Variants in IRAK1BP1 observed in about 807,000 individuals in gnomAD.
The protein encoded by IRAK1BP1 is interleukin-1 receptor-associated kinase 1-binding protein 1.
In IRAK1BP1, 24 loss-of-function variants were observed where a neutral mutation model predicts 28.0. The observed-to-expected ratio is 0.86, with a 90% CI of 0.62 to 1.20. The LOEUF (loss-of-function observed/expected upper bound fraction) is 1.20, where lower values mean the gene tolerates loss of function less well. Among genes scored for constraint, IRAK1BP1 ranks in the 50% most tolerant of loss-of-function variants. The pLI is 0.00. For missense variants in IRAK1BP1, 336 were observed against 316.7 expected, an observed-to-expected ratio of 1.06 and a Z score of -0.46; for synonymous variants, 131 against 116.3, an observed-to-expected ratio of 1.13 and a Z score of -0.81.
At chr6:78,977,499 C>T in the IRAK1BP1 span, among the ~76,000 whole-genome samples, 2 of 152,112 alleles carry the variant, frequency 1.3e-5, no homozygotes, top group Non-Finnish European at 2.9e-5. Context: ...ACAATGTACA[C>T]ATGTACCCTA....
At chr6:78,918,574 A>G (rs1206089921) in intron 4 of IRAK1BP1, among the ~76,000 whole-genome samples, 14 of 116,722 alleles carry the variant, frequency 1.2e-4, no homozygotes, top group East Asian at 3.4e-4. Context: ...TAAGCCAAAA[A>G]CAGTAAAAAA....
chr6:78,908,324 T>G (rs1772313897), intron 4 of IRAK1BP1, among the ~76,000 whole-genome samples: 1 of 152,142 alleles, frequency 6.6e-6, no homozygotes, highest in East Asian at 1.9e-4. Flanking sequence ...GTGCTGGGAT[T>G]AAGGCGTGAG....
At chr6:78,889,116 C>CA (rs201870779) in intron 2 of IRAK1BP1, among the ~76,000 whole-genome samples, 2,085 of 79,552 alleles carry the variant, frequency 0.026, 136 homozygotes, top group African/African-American at 0.099. Context: ...GACTCTGTCT[C>CA]AAAAAAAAAA....
downstream of IRAK1BP1, chr6:78,947,734 G>C: frequency 6.2e-7 from 1 of 1,606,448 alleles, no homozygotes; most frequent in Non-Finnish European, 8.5e-7. Context: ...TTTCTCTAAC[G>C]GTAGCAAAAT....
intron 2 of IRAK1BP1, among the ~76,000 whole-genome samples, chr6:78,889,322 C>A (rs1771545969): frequency 6.6e-6 from 1 of 151,760 alleles, no homozygotes; most frequent in Non-Finnish European, 1.5e-5. Flanking sequence ...CATAAAAACC[C>A]TAGAAGAAAA....
Position 78,902,945 on chromosome 6 carries a change from A to C in IRAK1BP1, c.*4611A>C. Reference sequence around the variant, plus strand: ...AGGATTGTTTTCTACTATTAAAACAATAAAACTCTTATAAACCTGTTTATC... The same window carrying C: ...AGGATTGTTTTCTACTATTAAAACACTAAAACTCTTATAAACCTGTTTATC... On this transcript the variant is annotated 3_prime_UTR_variant, in exon 4 of 4. Transcript: ENST00000369940. 1 of 982,270 alleles carries C rather than the reference A, an allele frequency of 1.0e-6. No individual in the cohort carries two copies. Among genetic ancestry groups the C allele is most frequent in the Non-Finnish European group, 1.5e-6 (1 of 654,518 alleles). The allele number at this position is 982,270 out of a possible 1,614,324, so 60.8% of individuals were successfully genotyped here.
chr6:78,934,873 T>C lies in IRAK1BP1; in HGVS notation c.*68-10535T>C, dbSNP rs1038855934. The stretch of plus-strand genomic sequence containing the variant: ...AGTTCATTACACTGTGCTGCCAGTA[T>C]GTCTAACCAATTAGGTAGAAAGGTA... On this transcript the variant is annotated intron_variant and NMD_transcript_variant, in intron 4 of 4. Transcript: ENST00000606868. Among the ~76,000 whole-genome samples, 12 of 152,210 alleles carry C rather than the reference T, an allele frequency of 7.9e-5. No individual in the cohort carries two copies. In the South Asian group the frequency reaches 2.3e-3, roughly 29 times the overall value.
At chr6:78,962,167 C>T in the IRAK1BP1 span, among the ~76,000 whole-genome samples, 1 of 152,144 alleles carries the variant, frequency 6.6e-6, no homozygotes, top group Non-Finnish European at 1.5e-5. Flanking sequence ...CTGTAACATA[C>T]TGCATTCAAA....
the IRAK1BP1 span, among the ~76,000 whole-genome samples, chr6:78,953,954 C>T: frequency 6.6e-6 from 1 of 152,144 alleles, no homozygotes. Flanking sequence ...ATTTAGATTG[C>T]TATGATTGCA....
At chr6:78,873,483 C>A (rs953551097) in intron 1 of IRAK1BP1, among the ~76,000 whole-genome samples, 1 of 146,378 alleles carries the variant, frequency 6.8e-6, no homozygotes, top group Non-Finnish European at 1.5e-5. Context: ...AGCTATATAA[C>A]TTTTTTTTTT....
the IRAK1BP1 span, among the ~76,000 whole-genome samples, chr6:78,977,898 A>G: frequency 6.6e-6 from 1 of 152,104 alleles, no homozygotes; most frequent in African/African-American, 2.4e-5. Context: ...ACCACTTTAT[A>G]CTGTAAATTA....
the IRAK1BP1 span, among the ~76,000 whole-genome samples, chr6:78,976,870 G>GA: frequency 1.0e-5 from 1 of 96,616 alleles, no homozygotes; most frequent in African/African-American, 3.9e-5. Flanking sequence ...AAAAAGTCAG[G>GA]AAACAACAGG....
chr6:78,955,394 T>C, the IRAK1BP1 span: 5 of 768,860 alleles, frequency 6.5e-6, no homozygotes, highest in South Asian at 9.9e-5. Flanking sequence ...GTAATGTATA[T>C]GCTGGGGCAC....
chr6:78,934,352 T>C (rs929054172), intron 4 of IRAK1BP1, among the ~76,000 whole-genome samples: 1 of 152,224 alleles, frequency 6.6e-6, no homozygotes, highest in Admixed American at 6.5e-5. Context: ...AAAATGGTAC[T>C]GACAGCCTTG....
rs771411153 is a variant in IRAK1BP1, at chr6:78,867,588, A to G, written c.12A>G (p.Gln4=). The part of the protein sequence containing the change: MSL[Q]KTPPTRVFVE... ...CAGCTGCCATCGCTATGTCTCTGCA[A>G]AAGACCCCTCCGACCCGAGTGTTCG... The change falls in exon 1 of 4, where the codon CAA becomes CAG. Residue 4 remains glutamine, a synonymous_variant. Transcript: ENST00000369940. 3 of 1,613,820 alleles carry G rather than the reference A, an allele frequency of 1.9e-6. No homozygotes were observed. The highest frequency in any genetic ancestry group is 2.5e-6 in the Non-Finnish European group (3 of 1,179,852).
chr6:78,880,098 A>G (rs1771170670), intron 1 of IRAK1BP1, among the ~76,000 whole-genome samples: 1 of 152,204 alleles, frequency 6.6e-6, no homozygotes, highest in Admixed American at 6.5e-5. Context: ...GCCTTTCCCA[A>G]CAGTAAAACA....
At chr6:78,907,088 C>T (rs1394572643), downstream of IRAK1BP1, among the ~76,000 whole-genome samples, 2 of 152,144 alleles carry the variant, frequency 1.3e-5, no homozygotes, top group African/African-American at 4.8e-5. Context: ...TATTTGTACA[C>T]AACTCCACAG....
At chr6:78,955,627 A>G in the IRAK1BP1 span, 3 of 1,043,688 alleles carry the variant, frequency 2.9e-6, no homozygotes, top group Non-Finnish European at 4.4e-6. Context: ...GAATCAGACA[A>G]AACTTTCTTC....
intron 1 of IRAK1BP1, chr6:78,871,899 G>A: frequency 1.9e-6 from 1 of 530,742 alleles, no homozygotes; most frequent in Non-Finnish European, 3.3e-6. Flanking sequence ...TGTGCATGCA[G>A]GCCCAGCTTC....
Sources: gnomAD v4.1 joint callset for allele counts (sites outside exome capture counted in the v4.1 genomes callset) on GRCh38, gnomAD v4.1.1 for gene constraint, MANE v1.5 for transcripts, NCBI Gene and HGNC (gene_info 2026-07-23, HGNC 2026-07-21) for gene names.